Variants in TSSK1B observed in about 807,000 individuals in gnomAD.
TSSK1B encodes testis specific serine kinase 1B.
Under a neutral mutation model 4.0 loss-of-function variants are expected in TSSK1B, and 2 were observed. The observed-to-expected ratio is 0.50, with a 90% CI of 0.20 to 1.57. TSSK1B has a LOEUF of 1.57. Among genes scored for constraint, TSSK1B ranks in the 40% most tolerant of loss-of-function variants. The pLI is 0.22. For synonymous variants in TSSK1B, 198 were observed against 200.7 expected (o/e 0.99, Z 0.11); for missense variants, 488 against 495.1 (o/e 0.99, Z 0.14).
Position 113,433,805 on chromosome 5 carries a change from G to A in TSSK1B, c.1035C>T (p.Pro345=). 6.2e-7 allele frequency: 1 copy of A among 1,613,894 alleles called. No individual in the cohort carries two copies. Among genetic ancestry groups the A allele is most frequent in the East Asian group, 2.2e-5 (1 of 44,882 alleles). Reference sequence around the variant, plus strand: ...CTGTCTCCATAGTCGACGGCTTGCTGGGGAAACCCAGGATCTCCGACTGCC... The same window carrying A: ...CTGTCTCCATAGTCGACGGCTTGCTAGGGAAACCCAGGATCTCCGACTGCC... ...MSRQSEILGF[P]SKPSTMETEE... is the part of the protein sequence containing the mutation. The change falls in exon 1 of 1, where the codon CCC becomes CCT. Residue 345 remains proline, a synonymous_variant. Transcript: ENST00000390666.
In TSSK1B at chr5:113,433,777, C is replaced by T; in HGVS notation, c.1063G>A (p.Glu355Lys). The T allele has an allele frequency of 6.2e-7, 1 of 1,613,922 alleles. No individual in the cohort carries two copies. Among genetic ancestry groups the T allele is most frequent in the East Asian group, 2.2e-5 (1 of 44,882 alleles). Reference sequence around the variant, plus strand: ...TCTGGAGGCTGTTGGGGGGGCCCTTCCTCTGTCTCCATAGTCGACGGCTTG... The same window carrying T: ...TCTGGAGGCTGTTGGGGGGGCCCTTTCTCTGTCTCCATAGTCGACGGCTTG... ...PSKPSTMETE[E>K]GPPQQPPETR... is the part of the protein sequence containing the mutation. Residue 355 changes from glutamate to lysine, a missense_variant, in exon 1 of 1, where the codon GAA becomes AAA. Coordinates refer to ENST00000390666, the MANE Select transcript of TSSK1B (RefSeq NM_032028.4).
In TSSK1B at chr5:113,434,325, C is replaced by T. The variant is rs200163161; in HGVS notation, c.515G>A (p.Ser172Asn). 3 of 1,613,926 alleles carry T rather than the reference C, an allele frequency of 1.9e-6. No individual in the cohort carries two copies. In the Admixed American group the frequency reaches 5.0e-5, roughly 27 times the overall value. ...LRDDSGRMAL[S>N]KTFCGSPAYA... ...CGCTGGTGACCCACAGAAGGTCTTG[C>T]TTAATGCCATTCGACCACTGTCATC... Residue 172 changes from serine (S) to asparagine (N), a missense_variant, in exon 1 of 1, where the codon AGC (serine) becomes AAC (asparagine). Ser to Asn is a conservative substitution (Grantham distance 46). Coordinates refer to ENST00000390666, the MANE Select transcript of TSSK1B (RefSeq NM_032028.4). This position sits in a 1 kb window ranked among gnomAD's most constrained non-coding sequence, Gnocchi z 4.2.
In TSSK1B at chr5:113,433,391, A is replaced by G. The variant is rs1580368397; in HGVS notation, c.*345T>C. 3.9e-6 allele frequency: 2 copies of G among 517,266 alleles called. No homozygotes were observed. The highest frequency in any genetic ancestry group is 4.9e-5 in the East Asian group (1 of 20,470). 32.0% of individuals were successfully genotyped at this position (517,266 alleles called of 1,614,324 possible). A position where few individuals can be genotyped will look rare whatever the true frequency, so the allele number is the denominator to read the frequency against. ...AGGATAAATGGTGCCCAAGGTGGAC[A>G]GCGGTGCCTTCCTGCTGCTCTTCCT... On this transcript the variant is annotated 3_prime_UTR_variant, in exon 1 of 1. Coordinates refer to ENST00000390666, the MANE Select transcript of TSSK1B (RefSeq NM_032028.4).
In TSSK1B at chr5:113,433,824, G is replaced by T; in HGVS notation, c.1016C>A (p.Ser339Ter). The T allele has an allele frequency of 6.2e-7, 1 of 1,613,966 alleles. No homozygotes were observed. The highest frequency in any genetic ancestry group is 8.5e-7 in the Non-Finnish European group (1 of 1,179,884). ...EGTAMQMSRQSEILGFPSKPS... is the reference protein window; with the variant it reads ...EGTAMQMSRQ ...CTTGCTGGGGAAACCCAGGATCTCC[G>T]ACTGCCTGGACATTTGCATTGCTGT... The change falls in exon 1 of 1, where the codon TCG becomes TAG. Residue 339 changes from serine (S) to a stop codon, truncating the protein, a stop_gained. Transcript: ENST00000390666. LOFTEE classifies it low-confidence loss of function (END_TRUNC).
chr5:113,433,615 G>A lies in TSSK1B; in HGVS notation c.*121C>T, dbSNP rs931163799. 8.8e-6 allele frequency: 11 copies of A among 1,254,448 alleles called. No homozygotes were observed. The Admixed American group carries it at 2.5e-4, about 29-fold the overall frequency. The allele number at this position is 1,254,448 out of a possible 1,614,324, so 77.7% of individuals were successfully genotyped here. On this transcript the variant is annotated 3_prime_UTR_variant, in exon 1 of 1. Coordinates refer to ENST00000390666, the MANE Select transcript of TSSK1B (RefSeq NM_032028.4). Reference sequence around the variant, plus strand: ...TTACCAAGTTCAAGGGGAGAGAGAAGAAGCTGATGAAAATAGAGGCTCATC... The same window carrying A: ...TTACCAAGTTCAAGGGGAGAGAGAAAAAGCTGATGAAAATAGAGGCTCATC...
Position 113,433,374 on chromosome 5 carries a change from T to C in TSSK1B, c.*362A>G. On this transcript the variant is annotated 3_prime_UTR_variant, in exon 1 of 1. Coordinates refer to ENST00000390666, the MANE Select transcript of TSSK1B (RefSeq NM_032028.4). ...CCGGGGACGATGAAAGGAGGATAAA[T>C]GGTGCCCAAGGTGGACAGCGGTGCC... 1 of 467,034 alleles carries C rather than the reference T, an allele frequency of 2.1e-6. No homozygotes were observed. The highest frequency in any genetic ancestry group is 2.8e-5 in the Admixed American group (1 of 35,546). 28.9% of individuals were successfully genotyped at this position (467,034 alleles called of 1,614,324 possible).
rs1770700902 is a variant in TSSK1B at position 113,432,758 on chromosome 5, G to A, written c.*978C>T. The A allele has an allele frequency of 6.6e-6, 1 of 152,158 alleles. No homozygotes were observed. The highest frequency in any genetic ancestry group is 2.4e-5 in the African/African-American group (1 of 41,532). The allele number at this position is 152,158 out of a possible 1,614,324, so 9.4% of individuals were successfully genotyped here. ...TAGCATTTAAATAAAAAGTTGATAA[G>A]GAAAAAATAAAAATAAAACATTTTC... On this transcript the variant is annotated 3_prime_UTR_variant, in exon 1 of 1. Coordinates refer to ENST00000390666, the MANE Select transcript of TSSK1B (RefSeq NM_032028.4).
chr5:113,434,547 A>G lies in TSSK1B; in HGVS notation c.293T>C (p.Leu98Pro). The part of the protein sequence containing the change: ...IVMELAVQGD[L>P]LELIKTRGAL... Reference sequence around the variant, plus strand: ...TCCCCGGGTTTTGATTAACTCGAGGAGGTCGCCCTGGACCGCGAGCTCCAT... The same window carrying G: ...TCCCCGGGTTTTGATTAACTCGAGGGGGTCGCCCTGGACCGCGAGCTCCAT... The change falls in exon 1 of 1, where the codon CTC (leucine) becomes CCC (proline). Residue 98 changes from leucine (L) to proline (P), a missense_variant. By Grantham distance (98) the Leu-to-Pro change is moderately conservative. Transcript: ENST00000390666. The surrounding 1 kb of genome is among the most constrained non-coding windows in gnomAD (Gnocchi z 4.2). 1 of 1,612,866 alleles carries G rather than the reference A, an allele frequency of 6.2e-7. No individual in the cohort carries two copies. Among genetic ancestry groups the G allele is most frequent in the Non-Finnish European group, 8.5e-7 (1 of 1,179,246 alleles).
chr5:113,434,120 G>A lies in TSSK1B; in HGVS notation c.720C>T (p.His240=). Residue 240 remains histidine, a synonymous_variant, in exon 1 of 1, where the codon CAC becomes CAT. Coordinates refer to ENST00000390666, the MANE Select transcript of TSSK1B (RefSeq NM_032028.4). This position sits in a 1 kb window ranked among gnomAD's most constrained non-coding sequence, Gnocchi z 4.2. Reference sequence around the variant, plus strand: ...TGAGGTCCTTGCACTCGCCTGTCAGGTGCTTGGAGCGTGGGAAGTTGACGC... The same window carrying A: ...TGAGGTCCTTGCACTCGCCTGTCAGATGCTTGGAGCGTGGGAAGTTGACGC... ...EHRVNFPRSK[H]LTGECKDLIY... 6.2e-7 allele frequency: 1 copy of A among 1,614,196 alleles called. No homozygotes were observed. The highest frequency in any genetic ancestry group is 8.5e-7 in the Non-Finnish European group (1 of 1,180,024).
chr5:113,434,825 A>G lies in TSSK1B; in HGVS notation c.15T>C (p.Ala5=). ...GGAGGTAGCCTCGTCGCTTGAGGAC[A>G]GCAGCGTCATCCATGGTGCCAGGAA... MDDA[A]VLKRRGYLLG... Residue 5 remains alanine, a synonymous_variant, in exon 1 of 1, where the codon GCT becomes GCC. Transcript: ENST00000390666. This position sits in a 1 kb window ranked among gnomAD's most constrained non-coding sequence, Gnocchi z 4.2. The G allele has an allele frequency of 1.9e-6, 3 of 1,608,062 alleles. No homozygotes were observed. The highest frequency in any genetic ancestry group is 2.6e-6 in the Non-Finnish European group (3 of 1,175,448).
At position 113,433,456 on chromosome 5, in the gene TSSK1B, C is replaced by T; in HGVS notation, c.*280G>A. ...TGAGCCGTTGCGGCCAGTGGGGACCCTCTGCTGAGACAGGCTCTGTGTCCA... is the reference window on the plus strand; with the variant it reads ...TGAGCCGTTGCGGCCAGTGGGGACCTTCTGCTGAGACAGGCTCTGTGTCCA... On this transcript the variant is annotated 3_prime_UTR_variant, in exon 1 of 1. Coordinates refer to ENST00000390666, the MANE Select transcript of TSSK1B (RefSeq NM_032028.4). The T allele has an allele frequency of 1.6e-6, 1 of 610,828 alleles. No individual in the cohort carries two copies. The highest frequency in any genetic ancestry group is 1.9e-5 in the South Asian group (1 of 52,060). The allele number at this position is 610,828 out of a possible 1,614,324, so 37.8% of individuals were successfully genotyped here.
In TSSK1B at chr5:113,434,945, G is replaced by C. The variant is rs1770804428; in HGVS notation, c.-106C>G. The C allele has an allele frequency of 1.0e-5, 14 of 1,401,516 alleles. No individual in the cohort carries two copies. The South Asian group carries it at 2.0e-4, about 20-fold the overall frequency. 86.8% of individuals were successfully genotyped at this position (1,401,516 alleles called of 1,614,324 possible). Reference sequence around the variant, plus strand: ...CCTGGATAGAGAGTCCTTTGGGCTGGCCAGGCCTGCTGTTCCTGCCTCCTA... The same window carrying C: ...CCTGGATAGAGAGTCCTTTGGGCTGCCCAGGCCTGCTGTTCCTGCCTCCTA... On this transcript the variant is annotated 5_prime_UTR_variant, in exon 1 of 1. Transcript: ENST00000390666. The surrounding 1 kb of genome is among the most constrained non-coding windows in gnomAD (Gnocchi z 4.2).
At position 113,434,934 on chromosome 5, in the gene TSSK1B, C is replaced by G; in HGVS notation, c.-95G>C. 6.8e-7 allele frequency: 1 copy of G among 1,475,264 alleles called. No individual in the cohort carries two copies. The highest frequency in any genetic ancestry group is 9.1e-7 in the Non-Finnish European group (1 of 1,100,110). The allele number at this position is 1,475,264 out of a possible 1,614,324, so 91.4% of individuals were successfully genotyped here. On this transcript the variant is annotated 5_prime_UTR_variant, in exon 1 of 1. Coordinates refer to ENST00000390666, the MANE Select transcript of TSSK1B (RefSeq NM_032028.4). The surrounding 1 kb of genome is among the most constrained non-coding windows in gnomAD (Gnocchi z 4.2). ...CTCATTTACATCCTGGATAGAGAGT[C>G]CTTTGGGCTGGCCAGGCCTGCTGTT... is the stretch of plus-strand genomic sequence containing the variant.
At position 113,433,085 on chromosome 5, in the gene TSSK1B, A is replaced by T. The variant is rs1476434215; in HGVS notation, c.*651T>A. The T allele has an allele frequency of 6.5e-6, 1 of 153,242 alleles. No homozygotes were observed. Among genetic ancestry groups the T allele is most frequent in the African/African-American group, 2.4e-5 (1 of 41,448 alleles). The allele number at this position is 153,242 out of a possible 1,614,324, so 9.5% of individuals were successfully genotyped here. Reference sequence around the variant, plus strand: ...CTGAAAGAAGCACATATGGGGCACAAGATTTCTAGCACTTTAAAGCTTAAT... The same window carrying T: ...CTGAAAGAAGCACATATGGGGCACATGATTTCTAGCACTTTAAAGCTTAAT... On this transcript the variant is annotated 3_prime_UTR_variant, in exon 1 of 1. Transcript: ENST00000390666.
Position 113,434,482 on chromosome 5 carries a change from G to C in TSSK1B, c.358C>G (p.Leu120Val), listed in dbSNP as rs1436396327. The C allele has an allele frequency of 1.2e-6, 2 of 1,613,546 alleles. No homozygotes were observed. Among genetic ancestry groups the C allele is most frequent in the Admixed American group, 1.7e-5 (1 of 60,000 alleles). Reference sequence around the variant, plus strand: ...TGGCAGTACTTGATGGCCAAGGAAAGCTGGTGGAACTTCTTGCGAGCTTCG... The same window carrying C: ...TGGCAGTACTTGATGGCCAAGGAAACCTGGTGGAACTTCTTGCGAGCTTCG... ...EDEARKKFHQ[L>V]SLAIKYCHDL... Residue 120 changes from leucine (L) to valine (V), a missense_variant, in exon 1 of 1, where the codon CTT becomes GTT. Physicochemically the swap from Leu to Val is conservative, Grantham distance 32. Transcript: ENST00000390666. This position sits in a 1 kb window ranked among gnomAD's most constrained non-coding sequence, Gnocchi z 4.2.
rs1189796157 is a variant in TSSK1B at position 113,434,738 on chromosome 5, C to A, written c.102G>T (p.Leu34=). ...TGATCTTGATCGCCACATTGAACTTCAGGCGCTCAGAGTAAGCAGATTTTA... is the reference window on the plus strand; with the variant it reads ...TGATCTTGATCGCCACATTGAACTTAAGGCGCTCAGAGTAAGCAGATTTTA... The part of the protein sequence containing the change: ...AKVKSAYSER[L]KFNVAIKIID... Residue 34 remains leucine, a synonymous_variant, in exon 1 of 1, where the codon CTG becomes CTT. Transcript: ENST00000390666. This position sits in a 1 kb window ranked among gnomAD's most constrained non-coding sequence, Gnocchi z 4.2. 2.5e-6 allele frequency: 4 copies of A among 1,614,120 alleles called. No individual in the cohort carries two copies. The highest frequency in any genetic ancestry group is 3.4e-6 in the Non-Finnish European group (4 of 1,179,978).
In TSSK1B at chr5:113,433,974, T is replaced by A. The variant is rs1157247217; in HGVS notation, c.866A>T (p.Glu289Val). The A allele has an allele frequency of 6.2e-7, 1 of 1,613,932 alleles. No individual in the cohort carries two copies. Among genetic ancestry groups the A allele is most frequent in the South Asian group, 1.1e-5 (1 of 91,066 alleles). Reference sequence around the variant, plus strand: ...CAAGGGTTCAGTTCCCCGGGAACTCTCCCCCTCCTTGTTGATGGCCACAGA... The same window carrying A: ...CAAGGGTTCAGTTCCCCGGGAACTCACCCCCTCCTTGTTGATGGCCACAGA... Reference protein sequence around the residue: ...SPSVAINKEGESSRGTEPLWT... With the variant: ...SPSVAINKEGVSSRGTEPLWT... The change falls in exon 1 of 1, where the codon GAG becomes GTG. Residue 289 changes from glutamate (E) to valine (V), a missense_variant. Glu to Val is a moderately radical substitution (Grantham distance 121). Transcript: ENST00000390666.
Position 113,434,929 on chromosome 5 carries a change from A to G in TSSK1B, c.-90T>C. The G allele has an allele frequency of 6.7e-7, 1 of 1,495,028 alleles. No individual in the cohort carries two copies. Among genetic ancestry groups the G allele is most frequent in the East Asian group, 2.3e-5 (1 of 43,744 alleles). The allele number at this position is 1,495,028 out of a possible 1,614,324, so 92.6% of individuals were successfully genotyped here. Reference sequence around the variant, plus strand: ...GTGTGCTCATTTACATCCTGGATAGAGAGTCCTTTGGGCTGGCCAGGCCTG... The same window carrying G: ...GTGTGCTCATTTACATCCTGGATAGGGAGTCCTTTGGGCTGGCCAGGCCTG... On this transcript the variant is annotated 5_prime_UTR_variant, in exon 1 of 1. Transcript: ENST00000390666. This position sits in a 1 kb window ranked among gnomAD's most constrained non-coding sequence, Gnocchi z 4.2.
chr5:113,434,294 C>G lies in TSSK1B; in HGVS notation c.546G>C (p.Ala182=). Residue 182 remains alanine, a synonymous_variant, in exon 1 of 1, where the codon GCG becomes GCC. Transcript: ENST00000390666. This position sits in a 1 kb window ranked among gnomAD's most constrained non-coding sequence, Gnocchi z 4.2. ...GAATGCCCTGCAGCACCTCTGGGGCCGCATACGCTGGTGACCCACAGAAGG... is the reference window on the plus strand; with the variant it reads ...GAATGCCCTGCAGCACCTCTGGGGCGGCATACGCTGGTGACCCACAGAAGG... ...SKTFCGSPAY[A]APEVLQGIPY... The G allele has an allele frequency of 6.2e-7, 1 of 1,614,090 alleles. No homozygotes were observed. The highest frequency in any genetic ancestry group is 8.5e-7 in the Non-Finnish European group (1 of 1,179,984).
Sources: allele counts gnomAD v4.1 joint callset, GRCh38; gene constraint gnomAD v4.1.1; non-coding constraint Gnocchi (gnomAD v3.1); transcripts MANE v1.5; gene names NCBI Gene and HGNC (gene_info 2026-07-23, HGNC 2026-07-21).